ROBO2: variants seen among roughly 807,000 people sequenced by gnomAD.
ROBO2 encodes roundabout guidance receptor 2, also known as roundabout homolog 2.
In ROBO2, 53 loss-of-function variants were observed where a neutral mutation model predicts 160.8. The observed-to-expected ratio is 0.33, with a 90% CI of 0.26 to 0.41. ROBO2 has a LOEUF of 0.41. Among genes scored for constraint, ROBO2 ranks in the 10% least tolerant of loss-of-function variants. ROBO2 has a pLI of 1.00. For synonymous variants in ROBO2, 664 were observed against 611.7 expected, an observed-to-expected ratio of 1.09 and a Z score of -1.26; for missense variants, 1,577 against 1,722.4, an observed-to-expected ratio of 0.92 and a Z score of 1.49.
At chr3:76,466,607 C>T (rs796212209) in intron 2 of ROBO2, among the ~76,000 whole-genome samples, 9 of 151,958 alleles carry the variant, frequency 5.9e-5, no homozygotes, top group African/African-American at 1.7e-4. Flanking sequence ...ATATTCCTTA[C>T]GATTTTTTCA....
intron 2 of ROBO2, among the ~76,000 whole-genome samples, chr3:77,191,749 T>C (rs934532360): frequency 1.3e-5 from 2 of 152,160 alleles, no homozygotes; most frequent in African/African-American, 4.8e-5. Context: ...GAAAACACTA[T>C]GCATAAACAA....
At chr3:77,287,300 T>G (rs1352881059) in intron 2 of ROBO2, among the ~76,000 whole-genome samples, 2 of 134,324 alleles carry the variant, frequency 1.5e-5, no homozygotes, top group African/African-American at 4.9e-5. Flanking sequence ...TTTAAATTGA[T>G]AGTTATTTTT....
At position 77,490,463 on chromosome 3, in the gene ROBO2, T is replaced by C. The variant is rs375099000; in HGVS notation, c.668-2781T>C. Reference sequence around the variant, plus strand: ...TCTTCATCACGTTTAAAAAGTCTGTTTGATTCCTTCTTTATTTAGATGATT... The same window carrying C: ...TCTTCATCACGTTTAAAAAGTCTGTCTGATTCCTTCTTTATTTAGATGATT... On this transcript the variant is annotated intron_variant, in intron 4 of 25. Coordinates refer to ENST00000461745, the Ensembl canonical transcript of ROBO2. Among the ~76,000 whole-genome samples the C allele has an allele frequency of 9.8e-5, 15 of 152,320 alleles. No homozygotes were observed. The East Asian group carries it at 2.9e-3, about 29-fold the overall frequency.
intron 2 of ROBO2, among the ~76,000 whole-genome samples, chr3:77,405,477 T>C (rs751602322): frequency 1.3e-5 from 2 of 152,110 alleles, no homozygotes; most frequent in African/African-American, 2.4e-5. Context: ...TAAATAGCAG[T>C]TATGTCTTTA....
At chr3:75,926,394 A>G (rs185742786) in intron 1 of ROBO2, among the ~76,000 whole-genome samples, 19 of 152,216 alleles carry the variant, frequency 1.2e-4, no homozygotes, top group Middle Eastern at 3.4e-3. Context: ...CTTATAGCAA[A>G]TATTACCCCC....
chr3:76,998,302 C>T (rs2061142834), intron 2 of ROBO2, among the ~76,000 whole-genome samples: 1 of 151,786 alleles, frequency 6.6e-6, no homozygotes, highest in Admixed American at 6.6e-5. Context: ...ATGAGAAGAA[C>T]ATTGAAAAGA....
chr3:77,230,096 G>GTTTTTTTTTT (rs531019924), intron 2 of ROBO2, among the ~76,000 whole-genome samples: 9 of 146,646 alleles, frequency 6.1e-5, no homozygotes, highest in African/African-American at 2.2e-4. Context: ...ATGCTAGACA[G>GTTTTTTTTTT]TTTTTTTTTT....
chr3:77,064,096 A>G (rs950669392), intron 1 of ROBO2, among the ~76,000 whole-genome samples: 1 of 152,190 alleles, frequency 6.6e-6, no homozygotes, highest in African/African-American at 2.4e-5. Flanking sequence ...ATAATGTCAT[A>G]AAAGGTAAAT....
At chr3:76,888,914 C>T (rs907312575) in intron 2 of ROBO2, among the ~76,000 whole-genome samples, 1 of 152,190 alleles carries the variant, frequency 6.6e-6, no homozygotes, top group Admixed American at 6.5e-5. Context: ...GAATAATAAC[C>T]TTTAACACTA....
chr3:77,286,545 T>G (rs1444859723), intron 2 of ROBO2, among the ~76,000 whole-genome samples: 1 of 151,402 alleles, frequency 6.6e-6, no homozygotes, highest in Non-Finnish European at 1.5e-5. Flanking sequence ...CGTGAGTCAC[T>G]GCACCAGGCC....
At chr3:76,574,202 G>T (rs1043774003) in intron 2 of ROBO2, among the ~76,000 whole-genome samples, 2 of 152,022 alleles carry the variant, frequency 1.3e-5, no homozygotes, top group African/African-American at 4.8e-5. Flanking sequence ...TGATTAAAAA[G>T]TCAAAATAAT....
chr3:76,231,535 T>C (rs1704621553), intron 2 of ROBO2, among the ~76,000 whole-genome samples: 1 of 152,232 alleles, frequency 6.6e-6, no homozygotes, highest in Non-Finnish European at 1.5e-5. Flanking sequence ...CCCATTCATC[T>C]GTAGTTTCAT....
chr3:76,401,711 A>T (rs2077827297), intron 2 of ROBO2, among the ~76,000 whole-genome samples: 1 of 151,418 alleles, frequency 6.6e-6, no homozygotes, highest in Admixed American at 6.6e-5. Context: ...AGGTAAGGGA[A>T]TAAAATCAAA....
chr3:77,624,156 T>G (rs1195584405), intron 23 of ROBO2, among the ~76,000 whole-genome samples: 1 of 152,240 alleles, frequency 6.6e-6, no homozygotes. Context: ...GATGAGTTTA[T>G]CCTATGAATA....
chr3:76,136,956 G>A (rs1429254303), intron 2 of ROBO2, among the ~76,000 whole-genome samples: 1 of 151,946 alleles, frequency 6.6e-6, no homozygotes, highest in Non-Finnish European at 1.5e-5. Flanking sequence ...ATGTTAAGTG[G>A]ATTATCATAG....
intron 23 of ROBO2, chr3:77,632,375 A>C (rs1412322105): frequency 3.5e-6 from 3 of 860,242 alleles, no homozygotes; most frequent in Non-Finnish European, 5.0e-6. Flanking sequence ...AACTTCAAGG[A>C]AGAAGCATGG....
At chr3:76,152,323 C>A (rs2072242277) in intron 2 of ROBO2, among the ~76,000 whole-genome samples, 1 of 152,044 alleles carries the variant, frequency 6.6e-6, no homozygotes, top group Non-Finnish European at 1.5e-5. Context: ...GGATGAGTTC[C>A]ATTAAACTCC....
intron 2 of ROBO2, among the ~76,000 whole-genome samples, chr3:76,474,973 G>A (rs1205811475): frequency 6.6e-6 from 1 of 152,090 alleles, no homozygotes; most frequent in Non-Finnish European, 1.5e-5. Flanking sequence ...ACCAAACGGT[G>A]CTTTGAACGC....
chr3:76,677,795 C>G (rs1351797309), intron 2 of ROBO2, among the ~76,000 whole-genome samples: 1 of 151,788 alleles, frequency 6.6e-6, no homozygotes, highest in Non-Finnish European at 1.5e-5. Flanking sequence ...TTATAAGTTA[C>G]TATGAAACAT....
Sources: allele counts gnomAD v4.1 joint callset (sites outside exome capture counted in the v4.1 genomes callset), GRCh38; gene constraint gnomAD v4.1.1; transcripts MANE v1.5; gene names NCBI Gene and HGNC (gene_info 2026-07-23, HGNC 2026-07-21).